SAMTOR: variants seen among roughly 807,000 people sequenced by gnomAD.
SAMTOR encodes the protein UPF0532 protein C7orf60.
At chr7:112,850,004 C>G in the SAMTOR span, among the ~76,000 whole-genome samples, 1 of 152,010 alleles carries the variant, frequency 6.6e-6, no homozygotes, top group Admixed American at 6.6e-5. Context: ...GTCAGGAGTT[C>G]GAGACCAGCC....
chr7:112,835,366 G>T, the SAMTOR span, among the ~76,000 whole-genome samples: 2 of 152,104 alleles, frequency 1.3e-5, no homozygotes, highest in Admixed American at 1.3e-4. Context: ...TTGGTAGATA[G>T]AAGTGGGCAA....
the SAMTOR span, among the ~76,000 whole-genome samples, chr7:112,854,459 A>G: frequency 6.6e-6 from 1 of 152,204 alleles, no homozygotes; most frequent in Non-Finnish European, 1.5e-5. Context: ...ACCATACTTA[A>G]GCTTTAACAA....
chr7:112,928,001 C>T, the SAMTOR span, among the ~76,000 whole-genome samples: 5 of 151,818 alleles, frequency 3.3e-5, no homozygotes, highest in African/African-American at 1.2e-4. Context: ...AACACTATGT[C>T]ACAACTAAAA....
At chr7:112,922,689 C>G in the SAMTOR span, among the ~76,000 whole-genome samples, 2 of 150,948 alleles carry the variant, frequency 1.3e-5, no homozygotes, top group Non-Finnish European at 3.0e-5. Context: ...CCGGCCGCCC[C>G]GTCTGAGAAG....
the SAMTOR span, among the ~76,000 whole-genome samples, chr7:112,857,712 AG>A: frequency 1.3e-5 from 2 of 152,112 alleles, no homozygotes; most frequent in African/African-American, 4.8e-5. Flanking sequence ...AAAAATGTTA[AG>A]TTAGTCTATT....
At chr7:112,905,658 T>C in the SAMTOR span, among the ~76,000 whole-genome samples, 1 of 152,132 alleles carries the variant, frequency 6.6e-6, no homozygotes, top group Non-Finnish European at 1.5e-5. Flanking sequence ...TATTCATAAA[T>C]CTAAGAAGAA....
chr7:112,872,817 A>G, the SAMTOR span, among the ~76,000 whole-genome samples: 23 of 152,086 alleles, frequency 1.5e-4, no homozygotes, highest in South Asian at 2.1e-3. Context: ...AAAAAAAAAA[A>G]AAGAAATTTA....
the SAMTOR span, among the ~76,000 whole-genome samples, chr7:112,916,761 G>T: frequency 6.6e-6 from 1 of 152,212 alleles, no homozygotes; most frequent in African/African-American, 2.4e-5. Flanking sequence ...TTTTCCGACG[G>T]GCTTGGGAAA....
chr7:112,898,162 T>A, the SAMTOR span, among the ~76,000 whole-genome samples: 1 of 152,170 alleles, frequency 6.6e-6, no homozygotes, highest in African/African-American at 2.4e-5. Flanking sequence ...GGAGGAATCT[T>A]AGTCCTAGTC....
At chr7:112,843,731 C>T in the SAMTOR span, among the ~76,000 whole-genome samples, 1 of 151,908 alleles carries the variant, frequency 6.6e-6, no homozygotes, top group Non-Finnish European at 1.5e-5. Context: ...AGAGCTGGTA[C>T]CACTCCTACT....
At chr7:112,821,313 A>G in the SAMTOR span, 1 of 153,288 alleles carries the variant, frequency 6.5e-6, no homozygotes, top group African/African-American at 2.4e-5. Context: ...AAAACAACTA[A>G]CCGATCTATT....
At chr7:112,853,417 T>C in the SAMTOR span, among the ~76,000 whole-genome samples, 4 of 152,118 alleles carry the variant, frequency 2.6e-5, no homozygotes, top group South Asian at 8.3e-4. Context: ...ATTTCTTTAC[T>C]CTCGCCCCCT....
At chr7:112,822,940 C>T in the SAMTOR span, among the ~76,000 whole-genome samples, 1 of 151,922 alleles carries the variant, frequency 6.6e-6, no homozygotes, top group Admixed American at 6.6e-5. Context: ...TAGTTTGGAA[C>T]AAACTAGATT....
chr7:112,844,078 TC>T, the SAMTOR span, among the ~76,000 whole-genome samples: 9 of 151,962 alleles, frequency 5.9e-5, no homozygotes, highest in South Asian at 2.1e-4. Context: ...AAGTCCAACA[TC>T]CCTTCATGTT....
At chr7:112,828,293 T>A in the SAMTOR span, among the ~76,000 whole-genome samples, 262 of 152,238 alleles carry the variant, frequency 1.7e-3, no homozygotes, top group African/African-American at 6.1e-3. Context: ...GAGGTCAAGA[T>A]TGTGGGAAGA....
chr7:112,846,059 G>A, the SAMTOR span, among the ~76,000 whole-genome samples: 1 of 149,290 alleles, frequency 6.7e-6, no homozygotes, highest in Admixed American at 6.7e-5. Flanking sequence ...TACTTTAAGG[G>A]CAGAGGTCAG....
At chr7:112,886,136 G>GTAACC in the SAMTOR span, among the ~76,000 whole-genome samples, 2 of 152,042 alleles carry the variant, frequency 1.3e-5, no homozygotes, top group South Asian at 4.1e-4. Context: ...CGGCATGGGG[G>GTAACC]TAACCACCCC....
chr7:112,919,696 C>T, the SAMTOR span, among the ~76,000 whole-genome samples: 1,364 of 151,240 alleles, frequency 9.0e-3, 23 homozygotes, highest in African/African-American at 0.031. Flanking sequence ...ATTGATAGAC[C>T]GCTAGCAAGA....
the SAMTOR span, among the ~76,000 whole-genome samples, chr7:112,889,971 T>C: frequency 5.3e-5 from 8 of 152,122 alleles, no homozygotes; most frequent in African/African-American, 1.4e-4. Context: ...GAAACAAGCA[T>C]GGAAAGTCAG....
Sources: allele counts gnomAD v4.1 joint callset (sites outside exome capture counted in the v4.1 genomes callset), GRCh38; gene constraint gnomAD v4.1.1; transcripts MANE v1.5; gene names NCBI Gene and HGNC (gene_info 2026-07-23, HGNC 2026-07-21).